The following PTPRD variants were observed in gnomAD, a reference collection of about 807,000 sequenced individuals.
PTPRD encodes the protein receptor-type tyrosine-protein phosphatase delta.
PTPRD carries 34 observed loss-of-function variants against 214.5 expected under a neutral mutation model. The ratio of observed to expected loss-of-function variants is 0.16; its 90% CI spans 0.12 to 0.21. The LOEUF (loss-of-function observed/expected upper bound fraction) is 0.21. Among genes scored for constraint, PTPRD ranks in the 10% least tolerant of loss-of-function variants. The pLI is 1.00. For synonymous variants in PTPRD, 1,128 were observed against 845.7 expected, an observed-to-expected ratio of 1.33 and a Z score of -5.79; for missense variants, 2,545 against 2,398.7, an observed-to-expected ratio of 1.06 and a Z score of -1.27.
At chr9:9,696,593 G>C (rs1212392089) in intron 7 of PTPRD, among the ~76,000 whole-genome samples, 1 of 152,038 alleles carries the variant, frequency 6.6e-6, no homozygotes, top group East Asian at 1.9e-4. Flanking sequence ...TGACTTAAAA[G>C]TCTATGTTAT....
intron 10 of PTPRD, among the ~76,000 whole-genome samples, chr9:9,169,303 A>C (rs190685937): frequency 3.6e-3 from 547 of 152,266 alleles, no homozygotes; most frequent in Non-Finnish European, 5.1e-3. Flanking sequence ...AACCAATTCT[A>C]TGCCACACTA....
At chr9:9,838,725 A>T (rs1299247378) in intron 5 of PTPRD, among the ~76,000 whole-genome samples, 1 of 151,918 alleles carries the variant, frequency 6.6e-6, no homozygotes, top group Admixed American at 6.6e-5. Flanking sequence ...TTGCCTGTTC[A>T]CTCTGATGGT....
chr9:8,328,148 G>C (rs1167653405), intron 44 of PTPRD, among the ~76,000 whole-genome samples: 3 of 152,154 alleles, frequency 2.0e-5, no homozygotes, highest in Admixed American at 6.5e-5. Context: ...TTTTGCAGTG[G>C]CTGGTACCAG....
chr9:8,711,513 C>A (rs1488463152), intron 12 of PTPRD, among the ~76,000 whole-genome samples: 1 of 152,090 alleles, frequency 6.6e-6, no homozygotes, highest in Admixed American at 6.5e-5. Context: ...AATTACTAAA[C>A]CTTGCCAAGC....
intron 2 of PTPRD, among the ~76,000 whole-genome samples, chr9:10,602,259 A>G (rs1186190862): frequency 6.6e-6 from 1 of 151,834 alleles, no homozygotes; most frequent in African/African-American, 2.4e-5. Flanking sequence ...TTTTCATTCA[A>G]TTTTTAAAAT....
At chr9:9,311,241 T>C (rs192695411) in intron 9 of PTPRD, among the ~76,000 whole-genome samples, 20 of 152,226 alleles carry the variant, frequency 1.3e-4, no homozygotes, top group Non-Finnish European at 2.6e-4. Flanking sequence ...CAAGATTACA[T>C]AAGAGGTTAC....
intron 2 of PTPRD, among the ~76,000 whole-genome samples, chr9:10,565,532 T>C (rs1429825470): frequency 2.0e-5 from 3 of 152,154 alleles, no homozygotes; most frequent in South Asian, 2.1e-4. Flanking sequence ...ATTTAGGAGA[T>C]TGTGTTTATA....
At chr9:9,489,870 T>C (rs1277023073) in intron 8 of PTPRD, among the ~76,000 whole-genome samples, 1 of 152,052 alleles carries the variant, frequency 6.6e-6, no homozygotes, top group Non-Finnish European at 1.5e-5. Context: ...TGTTTCCAAA[T>C]TTGGTAAAAG....
chr9:9,678,212 C>A lies in PTPRD; in HGVS notation c.-287+56321G>T, dbSNP rs1412224903. ...ATGACTTTCTTCACAGAATTGGAAA[C>A]AACTACTTTAAAGTTCATATGGAAC... is the stretch of plus-strand genomic sequence containing the variant. On this transcript the variant is annotated intron_variant, in intron 7 of 45. Transcript: ENST00000381196. 8.6e-5 allele frequency among the ~76,000 whole-genome samples: 13 copies of A among 151,750 alleles called. No individual in the cohort carries two copies. The South Asian group carries it at 1.0e-3, about 12-fold the overall frequency.
intron 39 of PTPRD, among the ~76,000 whole-genome samples, chr9:8,359,644 A>AT (rs2077960714): frequency 6.6e-6 from 1 of 152,066 alleles, no homozygotes; most frequent in Non-Finnish European, 1.5e-5. Context: ...AGCTATTTGA[A>AT]TTTTTAAAAG....
intron 8 of PTPRD, among the ~76,000 whole-genome samples, chr9:9,551,335 G>T (rs778208017): frequency 6.6e-6 from 1 of 151,850 alleles, no homozygotes; most frequent in African/African-American, 2.4e-5. Flanking sequence ...TAAATTAAGG[G>T]TCTCTAATTA....
At chr9:10,121,310 T>C (rs1002046074) in intron 3 of PTPRD, among the ~76,000 whole-genome samples, 15 of 152,178 alleles carry the variant, frequency 9.9e-5, no homozygotes, top group African/African-American at 3.6e-4. Flanking sequence ...TCCAAAGTTT[T>C]TTAGAGTTGG....
chr9:9,901,200 C>A (rs894951364), intron 5 of PTPRD, among the ~76,000 whole-genome samples: 2 of 152,014 alleles, frequency 1.3e-5, no homozygotes, highest in Non-Finnish European at 2.9e-5. Context: ...CTCGGACTAG[C>A]CTTTAGCAGC....
At chr9:10,301,402 C>T (rs540087058) in intron 3 of PTPRD, among the ~76,000 whole-genome samples, 10 of 152,268 alleles carry the variant, frequency 6.6e-5, no homozygotes, top group African/African-American at 2.2e-4. Flanking sequence ...GGGAACAAAA[C>T]TGGACGGAGA....
chr9:8,852,587 A>T (rs763720058), intron 11 of PTPRD, among the ~76,000 whole-genome samples: 4 of 152,202 alleles, frequency 2.6e-5, no homozygotes, highest in African/African-American at 9.6e-5. Flanking sequence ...GGAAGAACAT[A>T]AGTTGTCTCA....
At chr9:9,711,664 C>T (rs2097732779) in intron 7 of PTPRD, among the ~76,000 whole-genome samples, 2 of 152,136 alleles carry the variant, frequency 1.3e-5, no homozygotes, top group Admixed American at 6.5e-5. Context: ...TCAAGGTCAA[C>T]AGACACTTTT....
chr9:9,100,200 G>T (rs1026693471), intron 10 of PTPRD, among the ~76,000 whole-genome samples: 6 of 152,074 alleles, frequency 3.9e-5, no homozygotes, highest in African/African-American at 1.2e-4. Flanking sequence ...GAGATAGTTG[G>T]CTTCTTACCA....
At chr9:9,485,379 T>A (rs971011262) in intron 8 of PTPRD, among the ~76,000 whole-genome samples, 1 of 152,214 alleles carries the variant, frequency 6.6e-6, no homozygotes, top group Non-Finnish European at 1.5e-5. Flanking sequence ...ATAATATTCA[T>A]AAATGCAGCT....
In PTPRD at chr9:8,682,408, G is replaced by A. The variant is rs114660878; in HGVS notation, c.65-45564C>T. Among the ~76,000 whole-genome samples, 723 of 143,780 alleles carry A rather than the reference G, an allele frequency of 5.0e-3. 4 individuals are homozygous for A. Among genetic ancestry groups the A allele is most frequent in the African/African-American group, 0.019 (684 of 36,650 alleles). 94.3% of individuals were successfully genotyped at this position (143,780 alleles called of 152,430 possible). ...TCAAAGAAAACATAAATGTTTGGGG[G>A]GATACATATCCAAATTACACCAATA... On this transcript the variant is annotated intron_variant, in intron 12 of 45. Coordinates refer to ENST00000381196, the MANE Select transcript of PTPRD (RefSeq NM_002839.4).
Sources: allele counts gnomAD v4.1 joint callset (sites outside exome capture counted in the v4.1 genomes callset), GRCh38; gene constraint gnomAD v4.1.1; transcripts MANE v1.5; gene names NCBI Gene and HGNC (gene_info 2026-07-23, HGNC 2026-07-21).